RBFOX1: variants seen among roughly 807,000 people sequenced by gnomAD.
The protein encoded by RBFOX1 is RNA binding protein fox-1 homolog 1.
RBFOX1 carries 8 observed loss-of-function variants against 57.7 expected under a neutral mutation model. That is an observed-to-expected ratio of 0.14 (90% confidence interval 0.08 to 0.25). The LOEUF (loss-of-function observed/expected upper bound fraction) is 0.25. RBFOX1 is among the 10% of genes least tolerant of loss of function. The probability of loss-of-function intolerance (pLI) is 1.00; values close to 1 mark genes in which losing one functional copy is unlikely to be tolerated. For synonymous variants in RBFOX1, 326 were observed against 222.4 expected, an observed-to-expected ratio of 1.47 and a Z score of -4.15; for missense variants, 611 against 548.5, an observed-to-expected ratio of 1.11 and a Z score of -1.14.
chr16:6,955,967 A>C (rs976445584), intron 3 of RBFOX1, among the ~76,000 whole-genome samples: 2 of 152,142 alleles, frequency 1.3e-5, no homozygotes, highest in African/African-American at 4.8e-5. Context: ...TGGCCTCCCG[A>C]AGTGCTGGGA....
chr16:5,394,094 G>C (rs1465546744), intron 1 of RBFOX1, among the ~76,000 whole-genome samples: 1 of 151,948 alleles, frequency 6.6e-6, no homozygotes, highest in East Asian at 1.9e-4. Context: ...TGTGATCTCA[G>C]CTCACTGCAG....
At chr16:7,394,423 C>G (rs542166753) in intron 4 of RBFOX1, among the ~76,000 whole-genome samples, 8 of 152,090 alleles carry the variant, frequency 5.3e-5, no homozygotes, top group Admixed American at 4.6e-4. Flanking sequence ...TCTTGCTTAC[C>G]TCCCCTAATG....
At chr16:6,803,582 G>C (rs1466975525) in intron 3 of RBFOX1, among the ~76,000 whole-genome samples, 1 of 152,116 alleles carries the variant, frequency 6.6e-6, no homozygotes, top group Non-Finnish European at 1.5e-5. Context: ...ATGTATGGTG[G>C]TAAAATAAAG....
chr16:7,701,219 G>A (rs1230667002), intron 14 of RBFOX1, among the ~76,000 whole-genome samples: 1 of 152,180 alleles, frequency 6.6e-6, no homozygotes, highest in East Asian at 1.9e-4. Context: ...TCCACTTCTA[G>A]TTTTATCATT....
Position 6,300,893 on chromosome 16 carries a change from A to C in RBFOX1, c.-126-16102A>C, listed in dbSNP as rs148957990. Among the ~76,000 whole-genome samples, 4 of 152,286 alleles carry C rather than the reference A, an allele frequency of 2.6e-5. No individual in the cohort carries two copies. The East Asian group carries it at 7.7e-4, about 29-fold the overall frequency. Reference sequence around the variant, plus strand: ...TATTATTAATGTGAGCTTGTTTAGAAAATGGAATGCCCCATTTATCTCTGA... The same window carrying C: ...TATTATTAATGTGAGCTTGTTTAGACAATGGAATGCCCCATTTATCTCTGA... On this transcript the variant is annotated intron_variant, in intron 1 of 15. Transcript: ENST00000550418.
At chr16:7,207,748 A>G (rs1215820536) in intron 4 of RBFOX1, among the ~76,000 whole-genome samples, 1 of 152,208 alleles carries the variant, frequency 6.6e-6, no homozygotes, top group Non-Finnish European at 1.5e-5. Flanking sequence ...CAACACAGCC[A>G]GGGTTAATTT....
At chr16:7,321,071 C>CA (rs1555708876) in intron 4 of RBFOX1, among the ~76,000 whole-genome samples, 3 of 72,846 alleles carry the variant, frequency 4.1e-5, no homozygotes, top group Non-Finnish European at 3.7e-5. Flanking sequence ...ATCTGTCTAT[C>CA]TATACGTATA....
At chr16:7,467,105 G>T (rs1487290248) in intron 4 of RBFOX1, among the ~76,000 whole-genome samples, 1 of 152,156 alleles carries the variant, frequency 6.6e-6, no homozygotes, top group African/African-American at 2.4e-5. Context: ...CGATATGAAG[G>T]ATAAGTAACA....
chr16:6,806,186 AAG>A (rs2086721140), intron 3 of RBFOX1, among the ~76,000 whole-genome samples: 1 of 152,188 alleles, frequency 6.6e-6, no homozygotes, highest in Admixed American at 6.6e-5. Flanking sequence ...GTCACAATAT[AAG>A]AGAAAAATTA....
intron 4 of RBFOX1, among the ~76,000 whole-genome samples, chr16:7,392,561 T>C (rs940379116): frequency 1.3e-5 from 2 of 152,158 alleles, no homozygotes; most frequent in African/African-American, 4.8e-5. Flanking sequence ...TGTTCATATT[T>C]ATTTACCTCC....
chr16:6,294,150 C>G (rs2077797892), intron 1 of RBFOX1, among the ~76,000 whole-genome samples: 1 of 152,066 alleles, frequency 6.6e-6, no homozygotes, highest in Admixed American at 6.6e-5. Context: ...CCACTGCACT[C>G]CAGCCTGAGC....
chr16:7,202,612 C>G (rs1240611730), intron 4 of RBFOX1, among the ~76,000 whole-genome samples: 2 of 152,210 alleles, frequency 1.3e-5, no homozygotes, highest in African/African-American at 4.8e-5. Context: ...TACAGCCACT[C>G]CTCATTGCTT....
chr16:6,674,147 T>A (rs2154114096), intron 3 of RBFOX1, among the ~76,000 whole-genome samples: 1 of 152,272 alleles, frequency 6.6e-6, no homozygotes, highest in South Asian at 2.1e-4. Context: ...TTGTTGTGGG[T>A]TGAATAGAGT....
At chr16:7,351,128 A>T (rs757593340) in intron 4 of RBFOX1, among the ~76,000 whole-genome samples, 3 of 152,184 alleles carry the variant, frequency 2.0e-5, no homozygotes, top group Non-Finnish European at 4.4e-5. Context: ...TGGATCTCTC[A>T]CTTTTGCAAG....
chr16:7,383,792 C>G (rs1182694147), intron 4 of RBFOX1, among the ~76,000 whole-genome samples: 8 of 152,082 alleles, frequency 5.3e-5, no homozygotes, highest in Non-Finnish European at 2.9e-5. Context: ...CGAGGTGGCT[C>G]AAGCCTGTAA....
At chr16:6,745,280 A>G (rs909313793) in intron 3 of RBFOX1, among the ~76,000 whole-genome samples, 5 of 152,120 alleles carry the variant, frequency 3.3e-5, no homozygotes, top group Admixed American at 6.6e-5. Flanking sequence ...AGGAAGTTAC[A>G]TTTCCCAATC....
chr16:6,900,471 C>T (rs1345782744), intron 3 of RBFOX1, among the ~76,000 whole-genome samples: 5 of 152,174 alleles, frequency 3.3e-5, no homozygotes, highest in African/African-American at 4.8e-5. Context: ...TCCCGTTGCT[C>T]TTAGGATGAA....
chr16:7,175,581 A>G (rs1414705063), intron 4 of RBFOX1, among the ~76,000 whole-genome samples: 2 of 152,100 alleles, frequency 1.3e-5, no homozygotes, highest in African/African-American at 2.4e-5. Context: ...AAAGGATCCC[A>G]TTTGTGCATA....
Position 5,311,529 on chromosome 16 carries a change from C to T in RBFOX1, c.219+71424C>T, listed in dbSNP as rs117107796. ...TACTTTCCCACCAGCAGTGTATAAG[C>T]GTTCTGTTTTCACCACATCCATGCC... On this transcript the variant is annotated intron_variant, in intron 1 of 2. Coordinates refer to the RBFOX1 transcript ENST00000585867. Among the ~76,000 whole-genome samples the T allele has an allele frequency of 4.8e-3, 726 of 152,240 alleles. 4 individuals are homozygous for T. The highest frequency in any genetic ancestry group is 7.3e-3 in the Non-Finnish European group (498 of 68,010).
Sources: gnomAD v4.1 joint callset for allele counts (sites outside exome capture counted in the v4.1 genomes callset) on GRCh38, gnomAD v4.1.1 for gene constraint, MANE v1.5 for transcripts, NCBI Gene and HGNC (gene_info 2026-07-23, HGNC 2026-07-21) for gene names.